Variants in ANTXR1 observed in about 807,000 individuals in gnomAD.
The protein encoded by ANTXR1 is anthrax toxin receptor 1.
ANTXR1 carries 19 observed loss-of-function variants against 78.1 expected under a neutral mutation model. The ratio of observed to expected loss-of-function variants is 0.24; its 90% CI spans 0.17 to 0.36. ANTXR1 has a LOEUF of 0.36. ANTXR1 is among the 10% of genes least tolerant of loss of function. The probability of loss-of-function intolerance (pLI) is 1.00; values close to 1 mark genes in which losing one functional copy is unlikely to be tolerated. For synonymous variants in ANTXR1, 273 were observed against 260.5 expected, an observed-to-expected ratio of 1.05 and a Z score of -0.46; for missense variants, 518 against 718.6, an observed-to-expected ratio of 0.72 and a Z score of 3.19.
chr2:69,162,892 A>T (rs1673718245), intron 13 of ANTXR1, among the ~76,000 whole-genome samples: 1 of 152,082 alleles, frequency 6.6e-6, no homozygotes, highest in South Asian at 2.1e-4. Flanking sequence ...GAACATTCAA[A>T]ACTGTGCGAT....
At chr2:69,040,489 C>A (rs1196136522) in intron 2 of ANTXR1, among the ~76,000 whole-genome samples, 2 of 152,172 alleles carry the variant, frequency 1.3e-5, no homozygotes, top group Non-Finnish European at 2.9e-5. Flanking sequence ...ATGAACAATT[C>A]ATCCCAGTTT....
intron 11 of ANTXR1, 83 bp from the exon 12 acceptor site, chr2:69,124,482 A>G: frequency 8.2e-7 from 1 of 1,216,458 alleles, no homozygotes; most frequent in Non-Finnish European, 1.2e-6. Context: ...AGCAGAGCCC[A>G]AAGGAGTCCT....
chr2:69,203,468 A>C (rs1299483642), intron 17 of ANTXR1, among the ~76,000 whole-genome samples: 1 of 152,182 alleles, frequency 6.6e-6, no homozygotes, highest in Non-Finnish European at 1.5e-5. Flanking sequence ...AACCAACTGT[A>C]CCCAAAACCT....
Position 69,013,530 on chromosome 2 carries a change from A to G in ANTXR1, c.31A>G (p.Ile11Val), listed in dbSNP as rs1403096467. 8.8e-6 allele frequency: 14 copies of G among 1,585,658 alleles called. No individual in the cohort carries two copies. The highest frequency in any genetic ancestry group is 1.2e-5 in the South Asian group (1 of 86,296). Reference sequence around the variant, plus strand: ...CACGGCGGAGCGGAGAGCCCTCGGCATCGGCTTCCAGTGGCTCTCTTTGGC... The same window carrying G: ...CACGGCGGAGCGGAGAGCCCTCGGCGTCGGCTTCCAGTGGCTCTCTTTGGC... MATAERRALG[I>V]GFQWLSLATL... The change falls in exon 1 of 18, where the codon ATC becomes GTC. Residue 11 changes from isoleucine to valine, a missense_variant. This residue lies in a region of ANTXR1 where 55 missense variants were observed against 52.5 expected (regional missense o/e 1.05). Coordinates refer to ENST00000303714, the MANE Select transcript of ANTXR1 (RefSeq NM_032208.3). The surrounding 1 kb of genome is among the most constrained non-coding windows in gnomAD (Gnocchi z 5.0).
chr2:69,231,158 T>C (rs554614857), intron 17 of ANTXR1, among the ~76,000 whole-genome samples: 12 of 152,380 alleles, frequency 7.9e-5, no homozygotes, highest in African/African-American at 2.9e-4. Context: ...TATGGCTGCA[T>C]AGTATTCCAT....
rs577011188 is a variant in ANTXR1 at position 69,152,294 on chromosome 2, G to A, written c.1047+30G>A. 14 of 1,601,776 alleles carry A rather than the reference G, an allele frequency of 8.7e-6. No individual in the cohort carries two copies. The South Asian group carries it at 1.3e-4, about 15-fold the overall frequency. On this transcript the variant is annotated intron_variant, in intron 13 of 17. Transcript: ENST00000303714. ...GTGCCCCAAACCTCAGGCCATGCAA[G>A]GTGAAGGGTGACATAAAGTTCACAG...
chr2:69,026,213 T>C (rs2104008503), intron 1 of ANTXR1, among the ~76,000 whole-genome samples: 1 of 152,370 alleles, frequency 6.6e-6, no homozygotes, highest in South Asian at 2.1e-4. Context: ...AAAGACTTTA[T>C]GAGCATAGCG....
At chr2:69,104,696 G>C (rs144263586) in intron 10 of ANTXR1, among the ~76,000 whole-genome samples, 34 of 152,296 alleles carry the variant, frequency 2.2e-4, no homozygotes, top group African/African-American at 8.2e-4. Flanking sequence ...CAGGCTTTCA[G>C]GCCCAAGCTC....
At position 69,070,648 on chromosome 2, in the gene ANTXR1, G is replaced by C. The variant is rs201965805; in HGVS notation, c.298G>C (p.Glu100Gln). 6.2e-7 allele frequency: 1 copy of C among 1,613,944 alleles called. No individual in the cohort carries two copies. ...TAACAGAGTGTCTTTGGATTTCAGA[G>C]AACAAATCCGTCAAGGCCTAGAAGA... ...TTLMKLTEDR[E>Q]QIRQGLEELQ... The change falls in exon 4 of 18, where the codon GAA (glutamate) becomes CAA (glutamine). Residue 100 changes from glutamate (E) to glutamine (Q), a missense_variant and splice_region_variant. Around this residue, in one of 5 missense-constraint regions of ANTXR1, gnomAD observed 264 missense variants for 391.8 expected, o/e 0.67. Coordinates refer to ENST00000303714, the MANE Select transcript of ANTXR1 (RefSeq NM_032208.3).
At chr2:69,079,939 C>T (rs1170315022) in intron 8 of ANTXR1, among the ~76,000 whole-genome samples, 1 of 152,172 alleles carries the variant, frequency 6.6e-6, no homozygotes, top group Non-Finnish European at 1.5e-5. Flanking sequence ...CACCCAAGCT[C>T]AACATGAGCC....
rs201898487 is a variant in ANTXR1 at position 69,204,338 on chromosome 2, C to G, written c.1434+10923C>G. Among the ~76,000 whole-genome samples the G allele has an allele frequency of 2.0e-5, 3 of 152,152 alleles. No individual in the cohort carries two copies. In the East Asian group the frequency reaches 5.8e-4, roughly 29 times the overall value. On this transcript the variant is annotated intron_variant, in intron 17 of 17. Transcript: ENST00000303714. ...CTATAAAACATCCACACACACCCAT[C>G]TTCGTTCAGCATCTCCATGACCACC... is the stretch of plus-strand genomic sequence containing the variant.
intron 14 of ANTXR1, among the ~76,000 whole-genome samples, chr2:69,174,740 A>C (rs555771911): frequency 1.2e-4 from 18 of 152,358 alleles, no homozygotes; most frequent in African/African-American, 4.3e-4. Context: ...ATGTGAATGT[A>C]TGAAAATTAA....
intron 14 of ANTXR1, among the ~76,000 whole-genome samples, chr2:69,176,555 G>A (rs1674123220): frequency 6.6e-6 from 1 of 152,076 alleles, no homozygotes; most frequent in Non-Finnish European, 1.5e-5. Flanking sequence ...AATTCATGTC[G>A]TCATTCTCAC....
chr2:69,064,093 T>TA (rs1182093808), intron 3 of ANTXR1, among the ~76,000 whole-genome samples: 5 of 152,142 alleles, frequency 3.3e-5, no homozygotes, highest in Non-Finnish European at 7.4e-5. Flanking sequence ...ACATTAAATA[T>TA]AAAATGAACT....
At chr2:69,236,315 T>C (rs1207477834) in intron 17 of ANTXR1, among the ~76,000 whole-genome samples, 1 of 152,176 alleles carries the variant, frequency 6.6e-6, no homozygotes, top group Non-Finnish European at 1.5e-5. Flanking sequence ...TGTGTATATA[T>C]ATGTGTGTAT....
At chr2:69,032,803 G>A (rs958763111) in intron 1 of ANTXR1, among the ~76,000 whole-genome samples, 7 of 152,092 alleles carry the variant, frequency 4.6e-5, no homozygotes, top group Non-Finnish European at 4.4e-5. Flanking sequence ...GCAGAGTGGA[G>A]TTGAAAGGAG....
chr2:69,110,584 C>T (rs1319248537), intron 10 of ANTXR1, among the ~76,000 whole-genome samples: 2 of 152,134 alleles, frequency 1.3e-5, no homozygotes, highest in African/African-American at 4.8e-5. Flanking sequence ...ACAGGCCGGG[C>T]GCGGTGGCTC....
chr2:69,207,056 C>T (rs1197063289), intron 17 of ANTXR1, among the ~76,000 whole-genome samples: 1 of 152,168 alleles, frequency 6.6e-6, no homozygotes, highest in African/African-American at 2.4e-5. Flanking sequence ...TCTGTAGACG[C>T]CAATGCTGTA....
At chr2:69,040,456 G>A (rs75395057) in intron 2 of ANTXR1, among the ~76,000 whole-genome samples, 42 of 152,286 alleles carry the variant, frequency 2.8e-4, no homozygotes, top group African/African-American at 6.3e-4. Flanking sequence ...CTGGACTCAC[G>A]TGTAGGGTGT....
Sources: gnomAD v4.1 joint callset for allele counts (sites outside exome capture counted in the v4.1 genomes callset) on GRCh38, gnomAD v4.1.1 for gene constraint, gnomAD v4.1.1 regional missense constraint, Gnocchi (gnomAD v3.1) non-coding constraint, MANE v1.5 for transcripts, NCBI Gene and HGNC (gene_info 2026-07-23, HGNC 2026-07-21) for gene names.